Variants in MLANA observed in about 807,000 individuals in gnomAD.
MLANA encodes the protein melanoma antigen recognized by T-cells 1.
Under a neutral mutation model 15.7 loss-of-function variants are expected in MLANA, and 21 were observed. The observed-to-expected ratio is 1.33, with a 90% confidence interval of 0.95 to 1.92. The LOEUF (loss-of-function observed/expected upper bound fraction) is 1.92. Ranked by LOEUF, MLANA falls within the 40% of genes most tolerant of loss-of-function variation. MLANA has a pLI of 0.00. For synonymous variants in MLANA, 56 were observed against 51.5 expected (o/e 1.09, Z -0.37); for missense variants, 164 against 143.8 (o/e 1.14, Z -0.72).
In MLANA at chr9:5,908,717, G is replaced by A. The variant is rs374261380; in HGVS notation, c.*9G>A. 7 of 1,606,400 alleles carry A rather than the reference G, an allele frequency of 4.4e-6. No individual in the cohort carries two copies. Among genetic ancestry groups the A allele is most frequent in the East Asian group, 2.2e-5 (1 of 44,842 alleles). On this transcript the variant is annotated 3_prime_UTR_variant, in exon 5 of 5. Transcript: ENST00000381477. ...CACCTTATTCACCTTAAGAGCCAGC[G>A]AGACACCTGAGACATGCTGAAATTA...
chr9:5,906,823 T>C (rs1356685668), intron 3 of MLANA, 62 bp from the exon 4 acceptor site: 1 of 1,154,264 alleles, frequency 8.7e-7, no homozygotes, highest in Non-Finnish European at 1.2e-6. Flanking sequence ...CTTCCTTCTC[T>C]TTTCTTTAAT....
chr9:5,894,157 G>A lies in MLANA; in HGVS notation c.77+1606G>A, dbSNP rs1469562589. The stretch of plus-strand genomic sequence containing the variant: ...AGTATCTCTCAGTGTGAAGCTGGAG[G>A]CTGATGCTAGTCAGCTCAGTAGGCC... On this transcript the variant is annotated intron_variant, in intron 2 of 4. Transcript: ENST00000381477. The surrounding 1 kb of genome is among the most constrained non-coding windows in gnomAD (Gnocchi z 4.0). Among the ~76,000 whole-genome samples the A allele has an allele frequency of 6.6e-6, 1 of 152,126 alleles. No homozygotes were observed. Among genetic ancestry groups the A allele is most frequent in the African/African-American group, 2.4e-5 (1 of 41,426 alleles).
At chr9:5,897,808 C>G (rs1832133958) in intron 3 of MLANA, among the ~76,000 whole-genome samples, 155 bp downstream of exon 3, 2 of 152,224 alleles carry the variant, frequency 1.3e-5, no homozygotes, top group African/African-American at 4.8e-5. Context: ...TGTACTTTGG[C>G]AACTCTACCT....
intron 2 of MLANA, among the ~76,000 whole-genome samples, chr9:5,893,911 C>T (rs1831830774): frequency 7.9e-6 from 1 of 126,882 alleles, no homozygotes. Flanking sequence ...CACCCCCGCC[C>T]CCCGCCCCGT....
At chr9:5,899,784 C>A (rs1183944242) in intron 3 of MLANA, among the ~76,000 whole-genome samples, 2 of 152,192 alleles carry the variant, frequency 1.3e-5, no homozygotes, top group Non-Finnish European at 2.9e-5. Flanking sequence ...TCTAACTCAT[C>A]TTCATATCTC....
chr9:5,892,264 T>C (rs1215903191), intron 1 of MLANA, among the ~76,000 whole-genome samples, 186 bp from the exon 2 acceptor site: 3 of 152,228 alleles, frequency 2.0e-5, no homozygotes, highest in Non-Finnish European at 4.4e-5. Flanking sequence ...GTTAGAAACC[T>C]GAGCTATTGC....
intron 3 of MLANA, among the ~76,000 whole-genome samples, chr9:5,904,922 C>T (rs1386733071): frequency 3.3e-5 from 5 of 151,818 alleles, no homozygotes; most frequent in South Asian, 2.1e-4. Flanking sequence ...TACAGGTGCC[C>T]GCTACCATGC....
intron 3 of MLANA, among the ~76,000 whole-genome samples, chr9:5,902,368 T>C (rs946563151): frequency 4.6e-5 from 7 of 152,224 alleles, no homozygotes; most frequent in African/African-American, 1.7e-4. Flanking sequence ...TTTTTATTTC[T>C]TAGCCTAGCT....
intron 4 of MLANA, 82 bp from the exon 5 acceptor site, chr9:5,908,558 T>C (rs1291546776): frequency 8.5e-7 from 1 of 1,181,502 alleles, no homozygotes; most frequent in Non-Finnish European, 1.3e-6. Context: ...AGTATAAATA[T>C]GTTAACTATT....
intron 3 of MLANA, chr9:5,898,058 A>AT (rs77598639): frequency 8.7e-3 from 1,391 of 159,766 alleles, no homozygotes; most frequent in South Asian, 0.027. Context: ...AGCTGAACTC[A>AT]TTTTTTTTTT....
intron 2 of MLANA, among the ~76,000 whole-genome samples, chr9:5,896,941 AG>A (rs1383638128): frequency 2.0e-5 from 3 of 152,208 alleles, no homozygotes; most frequent in Non-Finnish European, 2.9e-5. Context: ...TAGGGAAGGG[AG>A]GGCACGAACA....
Position 5,906,916 on chromosome 9 carries a change from C to T in MLANA, c.206C>T (p.Ala69Val). ...AGTCTTCATGTTGGCACTCAATGTG[C>T]CTTAACAAGAAGATGCCCACAAGAA... Reference protein sequence around the residue: ...DKSLHVGTQCALTRRCPQEGF... With the variant: ...DKSLHVGTQCVLTRRCPQEGF... Residue 69 changes from alanine to valine, a missense_variant, in exon 4 of 5, where the codon GCC becomes GTC. By Grantham distance (64) the Ala-to-Val change is moderately conservative. Transcript: ENST00000381477. 1 of 1,594,592 alleles carries T rather than the reference C, an allele frequency of 6.3e-7. No individual in the cohort carries two copies. The highest frequency in any genetic ancestry group is 8.5e-7 in the Non-Finnish European group (1 of 1,172,364).
At chr9:5,895,452 A>G (rs1284639817) in intron 2 of MLANA, among the ~76,000 whole-genome samples, 1 of 152,128 alleles carries the variant, frequency 6.6e-6, no homozygotes, top group Non-Finnish European at 1.5e-5. Flanking sequence ...CATTAAAACA[A>G]TGCATCCCTA....
At chr9:5,900,333 C>T (rs555448056) in intron 3 of MLANA, among the ~76,000 whole-genome samples, 6 of 152,070 alleles carry the variant, frequency 3.9e-5, no homozygotes, top group Non-Finnish European at 7.4e-5. Context: ...GAGAGGGAAT[C>T]GTGTTTAAAT....
rs112348232 is a variant in MLANA, at chr9:5,904,725, A to G, written c.175-2160A>G. ...AAGTGATCCACCCACTTGGCCTCCC[A>G]AAGTGCTAGGATTACAGGCGTGAGC... On this transcript the variant is annotated intron_variant, in intron 3 of 4. Coordinates refer to ENST00000381477, the MANE Select transcript of MLANA (RefSeq NM_005511.2). Among the ~76,000 whole-genome samples the G allele has an allele frequency of 5.9e-3, 893 of 151,044 alleles. 8 individuals are homozygous for G. The highest frequency in any genetic ancestry group is 0.021 in the African/African-American group (859 of 41,186).
chr9:5,906,047 A>G (rs1261036659), intron 3 of MLANA, among the ~76,000 whole-genome samples: 1 of 152,148 alleles, frequency 6.6e-6, no homozygotes, highest in Non-Finnish European at 1.5e-5. Flanking sequence ...TATCTGTTAA[A>G]TCAACTAAGA....
At chr9:5,896,904 G>A (rs1294000150) in intron 2 of MLANA, among the ~76,000 whole-genome samples, 1 of 152,198 alleles carries the variant, frequency 6.6e-6, no homozygotes, top group African/African-American at 2.4e-5. Context: ...CTTCTCCCTA[G>A]GGCTGCAAGG....
intron 4 of MLANA, among the ~76,000 whole-genome samples, chr9:5,908,295 G>T (rs1047671825): frequency 6.6e-6 from 1 of 152,110 alleles, no homozygotes; most frequent in Non-Finnish European, 1.5e-5. Context: ...CAATTACAAC[G>T]ATCTCTGTGG....
intron 3 of MLANA, among the ~76,000 whole-genome samples, chr9:5,904,437 A>T (rs577694421): frequency 1.3e-5 from 2 of 151,748 alleles, no homozygotes; most frequent in East Asian, 3.9e-4. Context: ...ATTTTATATG[A>T]TTCCATTTTC....
Sources: allele counts gnomAD v4.1 joint callset (sites outside exome capture counted in the v4.1 genomes callset), GRCh38; gene constraint gnomAD v4.1.1; non-coding constraint Gnocchi (gnomAD v3.1); transcripts MANE v1.5; gene names NCBI Gene and HGNC (gene_info 2026-07-23, HGNC 2026-07-21).